Variants in ULK1 observed in about 807,000 individuals in gnomAD.
The protein encoded by ULK1 is serine/threonine-protein kinase ULK1.
ULK1 carries 48 observed loss-of-function variants against 117.5 expected under a neutral mutation model. The ratio of observed to expected loss-of-function variants is 0.41; its 90% CI spans 0.32 to 0.52. The LOEUF is 0.52. Among genes scored for constraint, ULK1 ranks in the 20% least tolerant of loss-of-function variants. The pLI, the probability that ULK1 is intolerant of heterozygous loss-of-function variation, is 0.29. For missense variants in ULK1, 1,387 were observed against 1,473.4 expected, an observed-to-expected ratio of 0.94 and a Z score of 0.96; for synonymous variants, 790 against 637.8, an observed-to-expected ratio of 1.24 and a Z score of -3.60.
In ULK1 at chr12:131,898,693, G is replaced by A. The variant is rs1314031917; in HGVS notation, c.246+2869G>A. On this transcript the variant is annotated intron_variant, in intron 3 of 27. Transcript: ENST00000321867. ...ATTTTTGTATTTGCAGTAGAGACAC[G>A]GTTTCACCATGTTGGCCAGCCTGGT... 5.4e-5 allele frequency among the ~76,000 whole-genome samples: 8 copies of A among 148,448 alleles called. No homozygotes were observed. The Admixed American group carries it at 5.4e-4, about 10-fold the overall frequency.
In ULK1 at chr12:131,911,868, C is replaced by T. The variant is rs1889551326; in HGVS notation, c.949-74C>T. On this transcript the variant is annotated intron_variant, in intron 12 of 27. Transcript: ENST00000321867. ...TCTTTACTGGGGCTCTGGGCCATCC[C>T]AGGAGGGGGAATTTGCTCCCCTGAG... 2.5e-6 allele frequency: 4 copies of T among 1,608,144 alleles called. No homozygotes were observed. The Admixed American group carries it at 6.8e-5, about 27-fold the overall frequency.
At chr12:131,919,727 C>G in intron 25 of ULK1, 137 bp downstream of exon 25, 1 of 1,113,994 alleles carries the variant, frequency 9.0e-7, no homozygotes, top group Non-Finnish European at 1.3e-6. Flanking sequence ...GGGCCTGGCC[C>G]AGTGTGCAGA....
intron 3 of ULK1, among the ~76,000 whole-genome samples, chr12:131,906,172 C>A (rs1215656617): frequency 6.6e-6 from 1 of 152,162 alleles, no homozygotes; most frequent in East Asian, 1.9e-4. Flanking sequence ...CGGCTCACTG[C>A]AGCCTTCTCC....
At chr12:131,896,265 C>G (rs1157369559) in intron 3 of ULK1, among the ~76,000 whole-genome samples, 2 of 152,290 alleles carry the variant, frequency 1.3e-5, no homozygotes, top group East Asian at 3.9e-4. Context: ...GAGACTCCTG[C>G]TCGCTGGCAG....
rs761933743 is a variant in ULK1 at position 131,921,774 on chromosome 12, G to T, written c.*413G>T. 2 of 515,960 alleles carry T rather than the reference G, an allele frequency of 3.9e-6. No individual in the cohort carries two copies. The highest frequency in any genetic ancestry group is 1.9e-5 in the African/African-American group (1 of 52,464). 32.0% of individuals were successfully genotyped at this position (515,960 alleles called of 1,614,324 possible). A position where few individuals can be genotyped will look rare whatever the true frequency, so the allele number is the denominator to read the frequency against. On this transcript the variant is annotated 3_prime_UTR_variant, in exon 28 of 28. Coordinates refer to ENST00000321867, the MANE Select transcript of ULK1 (RefSeq NM_003565.4). ...CCCAGGAAGAGCCTGCGGCCTCGGC[G>T]TCCCCCAGTCTCCAGGAGCCTCTCC... is the stretch of plus-strand genomic sequence containing the variant.
chr12:131,894,907 G>C lies in ULK1; in HGVS notation c.-95G>C. The C allele has an allele frequency of 6.6e-6, 1 of 150,590 alleles. No homozygotes were observed. Among genetic ancestry groups the C allele is most frequent in the South Asian group, 2.2e-4 (1 of 4,506 alleles). 9.3% of individuals were successfully genotyped at this position (150,590 alleles called of 1,614,324 possible). On this transcript the variant is annotated 5_prime_UTR_variant, in exon 1 of 28. Coordinates refer to ENST00000321867, the MANE Select transcript of ULK1 (RefSeq NM_003565.4). Reference sequence around the variant, plus strand: ...CCCGGCCCCGCGCCCCCGGCCCCGCGCCCCCGGCCCGCCCGCCCCGGCCCG... The same window carrying C: ...CCCGGCCCCGCGCCCCCGGCCCCGCCCCCCCGGCCCGCCCGCCCCGGCCCG...
intron 3 of ULK1, 54 bp downstream of exon 3, chr12:131,895,878 C>G (rs1181984079): frequency 6.2e-7 from 1 of 1,608,766 alleles, no homozygotes; most frequent in Non-Finnish European, 8.5e-7. Flanking sequence ...ACTGTGGCCC[C>G]AGGTGCTGGA....
Position 131,915,431 on chromosome 12 carries a change from G to T in ULK1, c.1609+10G>T. On this transcript the variant is annotated intron_variant, in intron 18 of 27. Transcript: ENST00000321867. ...AGGTCCCCTCGTCCAGGTGGGTGCAGTCCGGAGGGGGGAGGGGGTGCTAGG... is the reference window on the plus strand; with the variant it reads ...AGGTCCCCTCGTCCAGGTGGGTGCATTCCGGAGGGGGGAGGGGGTGCTAGG... 1.2e-6 allele frequency: 2 copies of T among 1,611,864 alleles called. No individual in the cohort carries two copies. Among genetic ancestry groups the T allele is most frequent in the East Asian group, 2.2e-5 (1 of 44,884 alleles).
chr12:131,898,535 C>T (rs1399214804), intron 3 of ULK1, among the ~76,000 whole-genome samples: 1 of 151,884 alleles, frequency 6.6e-6, no homozygotes. Flanking sequence ...GAGTTTTGCT[C>T]TTGTCGCCCA....
At position 131,895,086 on chromosome 12, in the gene ULK1, G is replaced by A; in HGVS notation, c.85G>A (p.Val29Met). ...KDLIGHGAFAVVFKGRHREKH... is the reference protein window; with the variant it reads ...KDLIGHGAFAMVFKGRHREKH... ...CCTGATCGGCCACGGCGCCTTCGCG[G>A]TGGTCTTCAAGGGCCGCCACCGCGA... The change falls in exon 1 of 28, where the codon GTG becomes ATG. Residue 29 changes from valine to methionine, a missense_variant. Physicochemically the swap from Val to Met is conservative, Grantham distance 21. Coordinates refer to ENST00000321867, the MANE Select transcript of ULK1 (RefSeq NM_003565.4). 5 of 1,574,444 alleles carry A rather than the reference G, an allele frequency of 3.2e-6. No individual in the cohort carries two copies. The highest frequency in any genetic ancestry group is 4.3e-6 in the Non-Finnish European group (5 of 1,167,792).
rs2136391162 is a variant in ULK1, at chr12:131,908,778, G to A, written c.451G>A (p.Gly151Ser). 2.5e-6 allele frequency: 4 copies of A among 1,607,378 alleles called. No homozygotes were observed. The highest frequency in any genetic ancestry group is 3.3e-4 in the Middle Eastern group (2 of 6,036). ...GAACATCCTGCTGTCCAACCCCGCC[G>A]GCCGCCGCGCCAACCCCAACAGCAT... is the stretch of plus-strand genomic sequence containing the variant. ...PQNILLSNPA[G>S]RRANPNSIRV... is the part of the protein sequence containing the mutation. Residue 151 changes from glycine to serine, a missense_variant, in exon 6 of 28, where the codon GGC becomes AGC. Transcript: ENST00000321867.
intron 4 of ULK1, 142 bp from the exon 5 acceptor site, chr12:131,907,353 G>A (rs1172428356): frequency 2.0e-6 from 2 of 1,013,510 alleles, no homozygotes; most frequent in Non-Finnish European, 2.9e-6. Context: ...AGCAGGGACT[G>A]TGGGGACACC....
Position 131,910,258 on chromosome 12 carries a change from G to GT in ULK1, c.819dup (p.His274SerfsTer60). The GT allele has an allele frequency of 6.2e-7, 1 of 1,613,766 alleles. No individual in the cohort carries two copies. The highest frequency in any genetic ancestry group is 2.2e-5 in the East Asian group (1 of 44,882). ...CACTCCTCCTTCCTCCTGCAGATGAGTTTTTTCATCACCCTTTCCTCGATG... is the reference window on the plus strand; with the variant it reads ...CACTCCTCCTTCCTCCTGCAGATGAGTTTTTTTCATCACCCTTTCCTCGATG... On this transcript the variant is annotated frameshift_variant, in exon 11 of 28. Transcript: ENST00000321867. LOFTEE classifies it high-confidence loss of function.
chr12:131,921,052 A>G, intron 26 of ULK1, 48 bp from the exon 27 acceptor site: 3 of 1,534,006 alleles, frequency 2.0e-6, no homozygotes, highest in Non-Finnish European at 2.6e-6. Context: ...CCTTGCTGGG[A>G]GGGAGTGGGG....
Position 131,916,508 on chromosome 12 carries a change from C to A in ULK1, c.1989C>A (p.Asp663Glu). 1 of 1,612,126 alleles carries A rather than the reference C, an allele frequency of 6.2e-7. No homozygotes were observed. Among genetic ancestry groups the A allele is most frequent in the Non-Finnish European group, 8.5e-7 (1 of 1,179,802 alleles). Residue 663 changes from aspartate to glutamate, a missense_variant, in exon 20 of 28, where the codon GAC (aspartate) becomes GAA (glutamate). Around this residue, in one of 4 missense-constraint regions of ULK1, gnomAD observed 900 missense variants for 858.9 expected, o/e 1.05. Coordinates refer to ENST00000321867, the MANE Select transcript of ULK1 (RefSeq NM_003565.4). ...MTPPRNRTLP[D>E]LSEVGPFHGQ... ...CCCCTCGAAACCGGACGCTGCCCGA[C>A]CTCTCGGAGGTGGGACCCTTCCATG...
intron 19 of ULK1, 30 bp from the exon 20 acceptor site, chr12:131,916,368 G>A (rs989354863): frequency 5.9e-6 from 9 of 1,536,256 alleles, no homozygotes; most frequent in Non-Finnish European, 7.9e-6. Context: ...GACCTGCGGG[G>A]CAGTCTTCAC....
chr12:131,905,817 G>A (rs1484708137), intron 3 of ULK1, among the ~76,000 whole-genome samples: 1 of 152,176 alleles, frequency 6.6e-6, no homozygotes, highest in Non-Finnish European at 1.5e-5. Flanking sequence ...CCGTTGGGGT[G>A]TGTGCTGTGT....
At chr12:131,901,853 C>A (rs145652374) in intron 3 of ULK1, among the ~76,000 whole-genome samples, 2 of 151,944 alleles carry the variant, frequency 1.3e-5, no homozygotes, top group African/African-American at 4.8e-5. Flanking sequence ...GAGGAGTTGG[C>A]GTCTTCCTGA....
Position 131,917,436 on chromosome 12 carries a change from C to G in ULK1, c.2208C>G (p.Ser736Arg), listed in dbSNP as rs749080048. ...EIAPSAGFGG[S>R]LHPGARAGGT... ...CACCCTCAGCTGGCTTTGGAGGGAG[C>G]CTGCACCCAGGAGCCCGTGCTGGGG... The change falls in exon 22 of 28, where the codon AGC (serine) becomes AGG (arginine). Residue 736 changes from serine to arginine, a missense_variant. This residue lies in a region of ULK1 where 900 missense variants were observed against 858.9 expected (regional missense o/e 1.05). Transcript: ENST00000321867. The G allele has an allele frequency of 3.9e-5, 60 of 1,541,542 alleles. No individual in the cohort carries two copies. Among genetic ancestry groups the G allele is most frequent in the Admixed American group, 9.7e-5 (5 of 51,744 alleles).
Sources: gnomAD v4.1 joint callset for allele counts (sites outside exome capture counted in the v4.1 genomes callset) on GRCh38, gnomAD v4.1.1 for gene constraint, gnomAD v4.1.1 regional missense constraint, MANE v1.5 for transcripts, NCBI Gene and HGNC (gene_info 2026-07-23, HGNC 2026-07-21) for gene names.